Variants in RCSD1 observed in about 807,000 individuals in gnomAD.
RCSD1 encodes the protein capZ-interacting protein.
Under a neutral mutation model 42.5 loss-of-function variants are expected in RCSD1, and 26 were observed. The observed-to-expected ratio is 0.61, with a 90% CI of 0.45 to 0.85. RCSD1 has a LOEUF of 0.85. Ranked by LOEUF, RCSD1 falls within the 40% of genes least tolerant of loss-of-function variation. The probability of loss-of-function intolerance (pLI) is 0.00; values close to 1 mark genes in which losing one functional copy is unlikely to be tolerated. For synonymous variants in RCSD1, 220 were observed against 212.2 expected (o/e 1.04, Z -0.32); for missense variants, 571 against 528.3 (o/e 1.08, Z -0.79).
chr1:167,708,137 C>G lies in RCSD1; in HGVS notation c.*3441C>G, dbSNP rs1300820194. Reference sequence around the variant, plus strand: ...GTGTCTATACCTGAATCAACTGTTACAACCAAGCAGATGCAGAGACTGCGT... The same window carrying G: ...GTGTCTATACCTGAATCAACTGTTAGAACCAAGCAGATGCAGAGACTGCGT... On this transcript the variant is annotated 3_prime_UTR_variant, in exon 7 of 7. Coordinates refer to ENST00000367854, the MANE Select transcript of RCSD1 (RefSeq NM_052862.4). Among the ~76,000 whole-genome samples, 1 of 152,180 alleles carries G rather than the reference C, an allele frequency of 6.6e-6. No individual in the cohort carries two copies. The highest frequency in any genetic ancestry group is 1.5e-5 in the Non-Finnish European group (1 of 68,040).
intron 6 of RCSD1, among the ~76,000 whole-genome samples, chr1:167,701,417 T>C (rs1659643499): frequency 6.6e-6 from 1 of 151,998 alleles, no homozygotes; most frequent in African/African-American, 2.4e-5. Flanking sequence ...GTAATTCTCC[T>C]GCCTCAGCCT....
chr1:167,639,001 A>G (rs552902498), intron 1 of RCSD1, among the ~76,000 whole-genome samples: 2 of 152,290 alleles, frequency 1.3e-5, no homozygotes, highest in South Asian at 2.1e-4. Flanking sequence ...GCGGATCACG[A>G]GGTCAGGAGA....
chr1:167,683,904 G>C lies in RCSD1; in HGVS notation c.11G>C (p.Arg4Thr), dbSNP rs1484702299. 6.2e-7 allele frequency: 1 copy of C among 1,614,070 alleles called. No individual in the cohort carries two copies. Among genetic ancestry groups the C allele is most frequent in the Non-Finnish European group, 8.5e-7 (1 of 1,179,964 alleles). The part of the protein sequence containing the change: MEE[R>T]PAETNANVDN... ...TTCTTCTTCTCCATTTGCCAGGAAA[G>C]ACCGGCAGAGACCAATGCCAATGTG... Residue 4 changes from arginine (R) to threonine (T), a missense_variant, in exon 2 of 7, where the codon AGA becomes ACA. Arg to Thr is a moderately conservative substitution (Grantham distance 71, BLOSUM62 -1). Transcript: ENST00000367854.
chr1:167,689,894 G>T (rs971921238), intron 3 of RCSD1, among the ~76,000 whole-genome samples, 155 bp from the exon 4 acceptor site: 1 of 152,120 alleles, frequency 6.6e-6, no homozygotes, highest in African/African-American at 2.4e-5. Context: ...AGTTCACGTC[G>T]CCCAGGCCCT....
intron 2 of RCSD1, among the ~76,000 whole-genome samples, chr1:167,684,772 G>A (rs937790703): frequency 6.6e-6 from 1 of 152,198 alleles, no homozygotes; most frequent in Admixed American, 6.5e-5. Flanking sequence ...TACTCAGGAG[G>A]CTGAGGCAGG....
At chr1:167,673,942 AC>A (rs1658874140) in intron 1 of RCSD1, among the ~76,000 whole-genome samples, 1 of 151,970 alleles carries the variant, frequency 6.6e-6, no homozygotes, top group Non-Finnish European at 1.5e-5. Context: ...CAGGTTAACT[AC>A]CCCTTCTCCT....
At chr1:167,686,354 C>G (rs1460847758) in intron 3 of RCSD1, among the ~76,000 whole-genome samples, 1 of 152,196 alleles carries the variant, frequency 6.6e-6, no homozygotes, top group Non-Finnish European at 1.5e-5. Flanking sequence ...AGCATCCTGA[C>G]AATAGCCATT....
At chr1:167,656,709 T>C (rs1485787815) in intron 1 of RCSD1, among the ~76,000 whole-genome samples, 1 of 152,130 alleles carries the variant, frequency 6.6e-6, no homozygotes, top group African/African-American at 2.4e-5. Context: ...CTGCCCACCA[T>C]CTAAAGGCAC....
chr1:167,706,458 T>C lies in RCSD1; in HGVS notation c.*1762T>C, dbSNP rs942185364. Among the ~76,000 whole-genome samples the C allele has an allele frequency of 2.0e-5, 3 of 150,666 alleles. No homozygotes were observed. The highest frequency in any genetic ancestry group is 4.4e-5 in the Non-Finnish European group (3 of 68,040). On this transcript the variant is annotated 3_prime_UTR_variant, in exon 7 of 7. Coordinates refer to ENST00000367854, the MANE Select transcript of RCSD1 (RefSeq NM_052862.4). ...TTGTGAATATGTGCATGATTGTGAATGTGTGATGAAAAGGGCCACTTTACT... is the reference window on the plus strand; with the variant it reads ...TTGTGAATATGTGCATGATTGTGAACGTGTGATGAAAAGGGCCACTTTACT...
At chr1:167,667,545 T>G (rs1280703500) in intron 1 of RCSD1, among the ~76,000 whole-genome samples, 1 of 152,242 alleles carries the variant, frequency 6.6e-6, no homozygotes, top group East Asian at 1.9e-4. Context: ...TAGGTTGGGT[T>G]GTTAAAACTG....
At chr1:167,685,147 T>C (rs1303915814) in intron 2 of RCSD1, among the ~76,000 whole-genome samples, 3 of 152,102 alleles carry the variant, frequency 2.0e-5, no homozygotes, top group African/African-American at 4.8e-5. Context: ...CAAGTAAAAG[T>C]GGATATTCTA....
At chr1:167,692,722 A>G (rs549359735) in intron 4 of RCSD1, among the ~76,000 whole-genome samples, 2 of 152,236 alleles carry the variant, frequency 1.3e-5, no homozygotes, top group South Asian at 4.1e-4. Flanking sequence ...TATTTTATAT[A>G]CTGAACTCTT....
chr1:167,645,333 C>A (rs1423158514), intron 1 of RCSD1, among the ~76,000 whole-genome samples: 1 of 152,096 alleles, frequency 6.6e-6, no homozygotes, highest in African/African-American at 2.4e-5. Context: ...ATTTATTGGG[C>A]CTACTGTATG....
At chr1:167,660,121 T>C (rs1183005351) in intron 1 of RCSD1, among the ~76,000 whole-genome samples, 1 of 152,228 alleles carries the variant, frequency 6.6e-6, no homozygotes, top group East Asian at 1.9e-4. Context: ...TGAACACTTG[T>C]CTGTGTGCCA....
rs1659539016 is a variant in RCSD1, at chr1:167,697,787, C to G, written c.1163C>G (p.Ala388Gly). The G allele has an allele frequency of 6.7e-7, 1 of 1,487,998 alleles. No homozygotes were observed. Among genetic ancestry groups the G allele is most frequent in the Non-Finnish European group, 8.9e-7 (1 of 1,120,972 alleles). 92.2% of individuals were successfully genotyped at this position (1,487,998 alleles called of 1,614,324 possible). Residue 388 changes from alanine to glycine, a missense_variant, in exon 6 of 7, where the codon GCC becomes GGC. Physicochemically the swap from Ala to Gly is moderately conservative, Grantham distance 60. Transcript: ENST00000367854. ...EPGCSPQTGP[A>G]QLETSSEVQS... ...GGCTGCAGCCCCCAGACCGGCCCTG[C>G]CCAGCTGGAGACCAGCAGTGAGGTC...
At chr1:167,669,841 G>A (rs1339484911) in intron 1 of RCSD1, among the ~76,000 whole-genome samples, 1 of 152,206 alleles carries the variant, frequency 6.6e-6, no homozygotes, top group Non-Finnish European at 1.5e-5. Flanking sequence ...AGGGAGTCAG[G>A]GTTGGGAGAC....
intron 1 of RCSD1, among the ~76,000 whole-genome samples, chr1:167,665,330 T>A (rs1034129292): frequency 4.7e-5 from 7 of 149,744 alleles, no homozygotes; most frequent in African/African-American, 1.7e-4. Flanking sequence ...TATTCCATAA[T>A]GTACGTATAA....
chr1:167,698,116 G>A (rs1313331472), intron 6 of RCSD1, among the ~76,000 whole-genome samples: 1 of 152,220 alleles, frequency 6.6e-6, no homozygotes, highest in African/African-American at 2.4e-5. Flanking sequence ...GAGTGACCGA[G>A]CCTCGGCACG....
intron 5 of RCSD1, among the ~76,000 whole-genome samples, chr1:167,694,798 A>T (rs1281615875): frequency 3.9e-5 from 6 of 152,178 alleles, no homozygotes. Context: ...GTTAAAGAAC[A>T]TCCAAACTGT....
Sources: allele counts gnomAD v4.1 joint callset (sites outside exome capture counted in the v4.1 genomes callset), GRCh38; gene constraint gnomAD v4.1.1; transcripts MANE v1.5; gene names NCBI Gene and HGNC (gene_info 2026-07-23, HGNC 2026-07-21).